Variants in ENAH observed in about 807,000 individuals in gnomAD.
ENAH encodes protein enabled homolog.
Under a neutral mutation model 78.7 loss-of-function variants are expected in ENAH, and 23 were observed. The observed-to-expected ratio is 0.29, with a 90% CI of 0.21 to 0.41. The LOEUF (loss-of-function observed/expected upper bound fraction) is 0.41, where lower values mean the gene tolerates loss of function less well. Among genes scored for constraint, ENAH ranks in the 10% least tolerant of loss-of-function variants. The pLI, the probability that ENAH is intolerant of heterozygous loss-of-function variation, is 1.00. For missense variants in ENAH, 544 were observed against 691.0 expected (o/e 0.79, Z 2.39); for synonymous variants, 226 against 241.0 (o/e 0.94, Z 0.58).
chr1:225,595,023 G>T (rs369008322), intron 1 of ENAH, among the ~76,000 whole-genome samples: 4 of 152,084 alleles, frequency 2.6e-5, no homozygotes, highest in African/African-American at 9.7e-5. Flanking sequence ...ATGGCATGAA[G>T]AATCTAAGTA....
At chr1:225,581,180 A>G (rs1184516156) in intron 1 of ENAH, 3 of 694,098 alleles carry the variant, frequency 4.3e-6, no homozygotes, top group Non-Finnish European at 5.3e-6. Context: ...TTGGCAACAC[A>G]TACTTCCCTA....
At chr1:225,632,497 C>CA (rs55973162) in intron 1 of ENAH, among the ~76,000 whole-genome samples, 41,464 of 102,138 alleles carry the variant, frequency 0.41, 6,837 homozygotes, top group East Asian at 0.5. Context: ...GACTCCGTCT[C>CA]AAAAAAAAAA....
At chr1:225,545,826 C>G (rs1179938875) in intron 3 of ENAH, among the ~76,000 whole-genome samples, 1 of 151,530 alleles carries the variant, frequency 6.6e-6, no homozygotes, top group Admixed American at 6.6e-5. Flanking sequence ...CTGATTTAGC[C>G]CAAAGGAAAA....
At chr1:225,593,001 G>A (rs189557579) in intron 1 of ENAH, among the ~76,000 whole-genome samples, 1 of 152,110 alleles carries the variant, frequency 6.6e-6, no homozygotes, top group African/African-American at 2.4e-5. Context: ...AACATGACAT[G>A]CCAGATGACC....
intron 2 of ENAH, among the ~76,000 whole-genome samples, chr1:225,565,885 G>GA (rs899354118): frequency 2.6e-5 from 4 of 152,154 alleles, no homozygotes; most frequent in Admixed American, 2.6e-4. Context: ...GGGCACAGGG[G>GA]AGAGACAGAC....
intron 1 of ENAH, among the ~76,000 whole-genome samples, chr1:225,610,588 A>C (rs547859138): frequency 2.0e-5 from 3 of 152,296 alleles, no homozygotes; most frequent in Admixed American, 6.5e-5. Context: ...GCTGACTTCC[A>C]ATTTTAAAAC....
chr1:225,586,241 CAAA>C (rs34817622), intron 1 of ENAH, among the ~76,000 whole-genome samples: 1 of 100,636 alleles, frequency 9.9e-6, no homozygotes, highest in Non-Finnish European at 1.9e-5. Context: ...GAGACAAGCT[CAAA>C]AAAAAAAAAA....
At chr1:225,567,181 T>G (rs966571035) in intron 2 of ENAH, 68 bp downstream of exon 2, 4 of 1,530,710 alleles carry the variant, frequency 2.6e-6, no homozygotes, top group African/African-American at 1.4e-5. Flanking sequence ...CTACTTTATT[T>G]TACGGAATAT....
At chr1:225,506,250 C>T (rs940091741) in intron 11 of ENAH, among the ~76,000 whole-genome samples, 10 of 152,118 alleles carry the variant, frequency 6.6e-5, no homozygotes, top group African/African-American at 2.4e-4. Context: ...TGCAATAGCG[C>T]GATATCAGCT....
intron 1 of ENAH, among the ~76,000 whole-genome samples, chr1:225,622,952 A>G (rs983553097): frequency 2.6e-5 from 4 of 152,218 alleles, no homozygotes; most frequent in Non-Finnish European, 5.9e-5. Context: ...TAAGACATAA[A>G]GAGAAATCCT....
At chr1:225,567,114 G>C in intron 2 of ENAH, 135 bp downstream of exon 2, 1 of 950,794 alleles carries the variant, frequency 1.1e-6, no homozygotes, top group Non-Finnish European at 1.5e-6. Flanking sequence ...AGGGTGGAGA[G>C]ACAATTTTAT....
intron 1 of ENAH, among the ~76,000 whole-genome samples, chr1:225,608,775 C>G (rs1186638776): frequency 1.5e-5 from 2 of 130,490 alleles, no homozygotes; most frequent in Non-Finnish European, 3.1e-5. Context: ...GAGATCACAC[C>G]ATTGCACTCC....
intron 3 of ENAH, among the ~76,000 whole-genome samples, chr1:225,532,294 A>AAT (rs2096541829): frequency 1.3e-5 from 2 of 152,114 alleles, no homozygotes; most frequent in African/African-American, 4.8e-5. Context: ...AATGTACTTT[A>AAT]TATATCCAAA....
At chr1:225,644,606 C>G (rs1352015531) in intron 1 of ENAH, among the ~76,000 whole-genome samples, 1 of 152,152 alleles carries the variant, frequency 6.6e-6, no homozygotes, top group Non-Finnish European at 1.5e-5. Flanking sequence ...AAGAGCTATT[C>G]ATTTTATTTT....
intron 12 of ENAH, among the ~76,000 whole-genome samples, chr1:225,500,467 C>A (rs2096275811): frequency 1.3e-5 from 2 of 152,332 alleles, no homozygotes; most frequent in Admixed American, 6.5e-5. Flanking sequence ...TACAGAGCCT[C>A]TACTCCACCC....
intron 3 of ENAH, among the ~76,000 whole-genome samples, chr1:225,542,533 C>T (rs775184228): frequency 6.6e-6 from 1 of 152,180 alleles, no homozygotes; most frequent in Non-Finnish European, 1.5e-5. Flanking sequence ...GTGACAATTC[C>T]TGGTATTTCA....
At chr1:225,614,452 T>A (rs2097012704) in intron 1 of ENAH, among the ~76,000 whole-genome samples, 1 of 152,182 alleles carries the variant, frequency 6.6e-6, no homozygotes, top group African/African-American at 2.4e-5. Flanking sequence ...GTTTCTGATC[T>A]CCTGTACCTG....
At chr1:225,553,039 G>C (rs1023179083) in intron 3 of ENAH, among the ~76,000 whole-genome samples, 6 of 152,100 alleles carry the variant, frequency 3.9e-5, no homozygotes, top group Non-Finnish European at 8.8e-5. Context: ...TTTGAGACCA[G>C]CCTGGCCAAT....
intron 1 of ENAH, among the ~76,000 whole-genome samples, chr1:225,621,528 G>A (rs894916340): frequency 4.6e-5 from 7 of 151,722 alleles, no homozygotes; most frequent in Middle Eastern, 3.2e-3. Flanking sequence ...TCCTGACCTC[G>A]TGATCCGCCC....
Sources: gnomAD v4.1 joint callset for allele counts (sites outside exome capture counted in the v4.1 genomes callset) on GRCh38, gnomAD v4.1.1 for gene constraint, MANE v1.5 for transcripts, NCBI Gene and HGNC (gene_info 2026-07-23, HGNC 2026-07-21) for gene names.